Variants in VWC2 observed in about 807,000 individuals in gnomAD.
The protein encoded by VWC2 is brorin.
VWC2 carries 14 observed loss-of-function variants against 29.8 expected under a neutral mutation model. The observed-to-expected ratio is 0.47, with a 90% CI of 0.31 to 0.74. VWC2 has a LOEUF of 0.74. Among genes scored for constraint, VWC2 ranks in the 30% least tolerant of loss-of-function variants. The probability of loss-of-function intolerance (pLI) is 0.05; values close to 1 mark genes in which losing one functional copy is unlikely to be tolerated. For missense variants in VWC2, 457 were observed against 459.8 expected (o/e 0.99, Z 0.05); for synonymous variants, 213 against 199.0 (o/e 1.07, Z -0.59).
intron 3 of VWC2, among the ~76,000 whole-genome samples, chr7:49,827,663 C>T (rs934492485): frequency 6.6e-6 from 1 of 151,996 alleles, no homozygotes; most frequent in Non-Finnish European, 1.5e-5. Context: ...ATAATAATCA[C>T]CATTTAAAAG....
intron 3 of VWC2, among the ~76,000 whole-genome samples, chr7:49,865,349 G>T (rs1790834224): frequency 6.6e-6 from 1 of 152,226 alleles, no homozygotes; most frequent in Non-Finnish European, 1.5e-5. Context: ...ACTGAAGTGT[G>T]TAACCCTCAG....
intron 3 of VWC2, among the ~76,000 whole-genome samples, chr7:49,852,620 A>AG (rs1418380174): frequency 6.6e-6 from 1 of 151,368 alleles, no homozygotes. Flanking sequence ...GTGAGGAGTG[A>AG]GGGGTGGGTG....
intron 3 of VWC2, chr7:49,901,094 A>G (rs1413160635): frequency 6.6e-6 from 1 of 151,956 alleles, no homozygotes; most frequent in African/African-American, 2.4e-5. Context: ...ACTATTTACA[A>G]AAAACCTACA....
At chr7:49,818,231 A>G (rs1789190739) in intron 3 of VWC2, among the ~76,000 whole-genome samples, 1 of 152,200 alleles carries the variant, frequency 6.6e-6, no homozygotes, top group African/African-American at 2.4e-5. Context: ...ATGGGGAGCC[A>G]AATTCACAGA....
At chr7:49,789,077 TGA>T (rs1424000528) in intron 2 of VWC2, among the ~76,000 whole-genome samples, 52 of 149,120 alleles carry the variant, frequency 3.5e-4, no homozygotes, top group Admixed American at 2.3e-3. Context: ...CGTGAGTGTG[TGA>T]GAGTGTAGGT....
chr7:49,798,111 C>T (rs754691030), intron 2 of VWC2, among the ~76,000 whole-genome samples: 19 of 152,324 alleles, frequency 1.2e-4, no homozygotes, highest in Admixed American at 2.6e-4. Flanking sequence ...ATGATGTGCT[C>T]GGCATCTTAC....
intron 3 of VWC2, among the ~76,000 whole-genome samples, chr7:49,869,772 T>C (rs756626682): frequency 4.6e-5 from 7 of 152,066 alleles, no homozygotes; most frequent in Non-Finnish European, 1.0e-4. Flanking sequence ...TCCAAGAGAA[T>C]TGGATGTGCA....
chr7:49,891,279 C>G (rs1792117672), intron 3 of VWC2, among the ~76,000 whole-genome samples: 3 of 152,074 alleles, frequency 2.0e-5, no homozygotes, highest in Admixed American at 6.5e-5. Flanking sequence ...CTCAATTTAG[C>G]CAGATGACAT....
chr7:49,789,258 GGTGT>G (rs879787718), intron 2 of VWC2, among the ~76,000 whole-genome samples: 2 of 139,818 alleles, frequency 1.4e-5, no homozygotes, highest in Admixed American at 7.0e-5. Context: ...TGTGGGAGTG[GGTGT>G]GTGTGAGCGG....
intron 3 of VWC2, among the ~76,000 whole-genome samples, chr7:49,845,450 T>G (rs1469860901): frequency 6.6e-6 from 1 of 152,228 alleles, no homozygotes; most frequent in South Asian, 2.1e-4. Flanking sequence ...ATTAGTGAGA[T>G]AGCAAACCCT....
In VWC2 at chr7:49,814,372, G is replaced by C. The variant is rs1186200572; in HGVS notation, c.826+11532G>C. On this transcript the variant is annotated intron_variant, in intron 3 of 3. Coordinates refer to ENST00000340652, the MANE Select transcript of VWC2 (RefSeq NM_198570.5). ...CGATCTTTTCATTTCTGACAAACTAGATAAGGAGGATGAATAGGTAGCATC... is the reference window on the plus strand; with the variant it reads ...CGATCTTTTCATTTCTGACAAACTACATAAGGAGGATGAATAGGTAGCATC... 3.3e-5 allele frequency among the ~76,000 whole-genome samples: 5 copies of C among 152,226 alleles called. No individual in the cohort carries two copies. In the South Asian group the frequency reaches 1.0e-3, roughly 32 times the overall value.
At chr7:49,781,653 A>T (rs1257933362) in intron 2 of VWC2, among the ~76,000 whole-genome samples, 1 of 152,184 alleles carries the variant, frequency 6.6e-6, no homozygotes, top group Non-Finnish European at 1.5e-5. Flanking sequence ...CCATATGGTG[A>T]TGAAGTGGCA....
chr7:49,840,683 T>C (rs986192105), intron 3 of VWC2, among the ~76,000 whole-genome samples: 2 of 152,216 alleles, frequency 1.3e-5, no homozygotes, highest in African/African-American at 4.8e-5. Flanking sequence ...ATTGCTTCAG[T>C]GCAGCTTCAA....
At chr7:49,824,888 A>G (rs1416083631) in intron 3 of VWC2, among the ~76,000 whole-genome samples, 3 of 152,052 alleles carry the variant, frequency 2.0e-5, no homozygotes, top group African/African-American at 7.2e-5. Context: ...TACCTTGCAA[A>G]ATTCTCCAAA....
intron 3 of VWC2, among the ~76,000 whole-genome samples, chr7:49,872,462 C>T (rs1791197408): frequency 6.6e-6 from 1 of 151,772 alleles, no homozygotes; most frequent in Admixed American, 6.6e-5. Context: ...GTTTAAAACT[C>T]TAAGTGTAGG....
At position 49,775,687 on chromosome 7, in the gene VWC2, C is replaced by T. The variant is rs768873542; in HGVS notation, c.252C>T (p.Leu84=). ...GGAAGAGCAAGAGCGGCCGTGGGCT[C>T]GCCGGCCGTGAGCCGTGGAGCAAGC... ...RDWKSKSGRG[L]AGREPWSKLK... Residue 84 remains leucine, a synonymous_variant, in exon 2 of 4, where the codon CTC becomes CTT. Transcript: ENST00000340652. The T allele has an allele frequency of 2.0e-6, 3 of 1,523,476 alleles. No homozygotes were observed. Among genetic ancestry groups the T allele is most frequent in the South Asian group, 1.2e-5 (1 of 80,658 alleles). 94.4% of individuals were successfully genotyped at this position (1,523,476 alleles called of 1,614,324 possible). A position where few individuals can be genotyped will look rare whatever the true frequency, so the allele number is the denominator to read the frequency against.
At chr7:49,839,878 A>G (rs1789754074) in intron 3 of VWC2, among the ~76,000 whole-genome samples, 2 of 152,248 alleles carry the variant, frequency 1.3e-5, no homozygotes, top group Non-Finnish European at 2.9e-5. Flanking sequence ...TTCAAAGAAG[A>G]TCTGGTGGTT....
At chr7:49,789,224 GGA>G (rs1264688306) in intron 2 of VWC2, among the ~76,000 whole-genome samples, 25 of 144,708 alleles carry the variant, frequency 1.7e-4, no homozygotes, top group Non-Finnish European at 2.5e-4. Context: ...TGTGAGTGTG[GGA>G]GAGTGTGTGA....
intron 3 of VWC2, among the ~76,000 whole-genome samples, chr7:49,908,516 T>C (rs1431814925): frequency 6.6e-6 from 1 of 152,166 alleles, no homozygotes; most frequent in Non-Finnish European, 1.5e-5. Context: ...AGGAAAATTT[T>C]TGAATTATAA....
Sources: allele counts gnomAD v4.1 joint callset (sites outside exome capture counted in the v4.1 genomes callset), GRCh38; gene constraint gnomAD v4.1.1; transcripts MANE v1.5; gene names NCBI Gene and HGNC (gene_info 2026-07-23, HGNC 2026-07-21).